The following SLC22A23 variants were observed in gnomAD, a reference collection of about 807,000 sequenced individuals.
SLC22A23 encodes solute carrier family 22 member 23, also known as ion transporter protein.
In SLC22A23, 26 loss-of-function variants were observed where a neutral mutation model predicts 61.0. The observed-to-expected ratio is 0.43, with a 90% CI of 0.31 to 0.59. The LOEUF is 0.59. Ranked by LOEUF, SLC22A23 falls within the 20% of genes least tolerant of loss-of-function variation. The probability of loss-of-function intolerance (pLI) is 0.11; values close to 1 mark genes in which losing one functional copy is unlikely to be tolerated. For synonymous variants in SLC22A23, 430 were observed against 413.9 expected, an observed-to-expected ratio of 1.04 and a Z score of -0.47; for missense variants, 796 against 934.7, an observed-to-expected ratio of 0.85 and a Z score of 1.94.
intron 9 of SLC22A23, among the ~76,000 whole-genome samples, chr6:3,282,639 G>A (rs113544101): frequency 2.0e-5 from 3 of 152,180 alleles, no homozygotes; most frequent in African/African-American, 4.8e-5. Flanking sequence ...TTTGACTCAC[G>A]GCTGAACTAC....
chr6:3,316,782 A>G (rs4959804), intron 4 of SLC22A23, among the ~76,000 whole-genome samples: 119,508 of 152,102 alleles, frequency 0.79, 47,437 homozygotes, highest in Non-Finnish European at 0.84. Flanking sequence ...GGATACAGAC[A>G]CGTGCTCCCA....
At chr6:3,441,889 G>A (rs935594900) in intron 1 of SLC22A23, among the ~76,000 whole-genome samples, 4 of 152,196 alleles carry the variant, frequency 2.6e-5, no homozygotes, top group Non-Finnish European at 5.9e-5. Flanking sequence ...GGGACACCAC[G>A]CAAGCAGCTG....
chr6:3,271,882 C>T lies in SLC22A23; in HGVS notation c.*1173G>A, dbSNP rs1401886235. On this transcript the variant is annotated 3_prime_UTR_variant, in exon 10 of 10. Transcript: ENST00000406686. ...AATTTGTCTTGATGCCTTCGAGAGG[C>T]TGGAGGTCATTTGGACTCACCTATG... 1 of 152,416 alleles carries T rather than the reference C, an allele frequency of 6.6e-6. No individual in the cohort carries two copies. The highest frequency in any genetic ancestry group is 1.5e-5 in the Non-Finnish European group (1 of 68,110). 9.4% of individuals were successfully genotyped at this position (152,416 alleles called of 1,614,324 possible). A position where few individuals can be genotyped will look rare whatever the true frequency, so the allele number is the denominator to read the frequency against.
chr6:3,442,385 C>T (rs984644132), intron 1 of SLC22A23, among the ~76,000 whole-genome samples: 15 of 152,270 alleles, frequency 9.9e-5, no homozygotes, highest in Admixed American at 9.8e-4. Flanking sequence ...CAGAACTGTA[C>T]ACTGAAAAAT....
At position 3,324,552 on chromosome 6, in the gene SLC22A23, A is replaced by G. The variant is rs1042034159; in HGVS notation, c.914-550T>C. ...TCCGAGTTCCAGGCAACCTACTCAC[A>G]CTGTGAGACAGAGGGAGACTGAGCT... On this transcript the variant is annotated intron_variant, in intron 3 of 9. Transcript: ENST00000406686. This position sits in a 1 kb window ranked among gnomAD's most constrained non-coding sequence, Gnocchi z 4.3. 6.6e-6 allele frequency among the ~76,000 whole-genome samples: 1 copy of G among 152,070 alleles called. No homozygotes were observed. The highest frequency in any genetic ancestry group is 2.4e-5 in the African/African-American group (1 of 41,386).
chr6:3,451,341 C>T (rs943565302), intron 1 of SLC22A23, among the ~76,000 whole-genome samples: 4 of 152,168 alleles, frequency 2.6e-5, no homozygotes, highest in African/African-American at 7.2e-5. Context: ...GGATTAGAGG[C>T]GTGCGCCACC....
intron 3 of SLC22A23, among the ~76,000 whole-genome samples, chr6:3,371,919 G>C (rs1286832915): frequency 6.6e-6 from 1 of 152,036 alleles, no homozygotes; most frequent in African/African-American, 2.4e-5. Context: ...AGCATCGATT[G>C]TAAGATCCTG....
intron 2 of SLC22A23, 25 bp downstream of exon 2, chr6:3,415,727 G>T (rs542633265): frequency 2.7e-6 from 4 of 1,489,894 alleles, no homozygotes; most frequent in Non-Finnish European, 3.7e-6. Flanking sequence ...CCAAAGGTTC[G>T]TGCGGCGGGC....
rs548094462 is a variant in SLC22A23 at position 3,333,149 on chromosome 6, A to G, written c.914-9147T>C. 4.9e-4 allele frequency among the ~76,000 whole-genome samples: 75 copies of G among 152,294 alleles called. No homozygotes were observed. The highest frequency in any genetic ancestry group is 1.8e-3 in the African/African-American group (74 of 41,576). ...AGTTGTTCACCAACATTTTCCCTAAAGGTTTTGTAGGGAGTGCAAAATGGT... is the reference window on the plus strand; with the variant it reads ...AGTTGTTCACCAACATTTTCCCTAAGGGTTTTGTAGGGAGTGCAAAATGGT... On this transcript the variant is annotated intron_variant, in intron 3 of 9. Coordinates refer to ENST00000406686, the MANE Select transcript of SLC22A23 (RefSeq NM_015482.2). The surrounding 1 kb of genome is among the most constrained non-coding windows in gnomAD (Gnocchi z 4.1).
intron 3 of SLC22A23, among the ~76,000 whole-genome samples, chr6:3,373,198 G>A (rs924120580): frequency 2.0e-5 from 3 of 152,174 alleles, no homozygotes; most frequent in Admixed American, 6.5e-5. Context: ...AAACCCCCCG[G>A]GCACTAAGTC....
chr6:3,356,678 T>TA (rs1765127120), intron 3 of SLC22A23, among the ~76,000 whole-genome samples: 3 of 152,158 alleles, frequency 2.0e-5, no homozygotes, highest in Non-Finnish European at 4.4e-5. Flanking sequence ...TTCCTCCTTA[T>TA]TGGCTCAGCA....
intron 3 of SLC22A23, among the ~76,000 whole-genome samples, chr6:3,356,157 G>A (rs1239330749): frequency 3.6e-5 from 4 of 109,962 alleles, no homozygotes; most frequent in African/African-American, 1.1e-4. Context: ...TTCCGAGTCC[G>A]GGTAGCAGAT....
At position 3,425,285 on chromosome 6, in the gene SLC22A23, C is replaced by CTTTT. The variant is rs33955202; in HGVS notation, c.655-9434_655-9431dup. On this transcript the variant is annotated intron_variant, in intron 1 of 9. Transcript: ENST00000406686. Reference sequence around the variant, plus strand: ...AATTTATTTAAAACAATGAATAATTCTTTTTTTTTTTTTTTTTTTGAGATG... The same window carrying CTTTT: ...AATTTATTTAAAACAATGAATAATTCTTTTTTTTTTTTTTTTTTTTTTTGAGATG... 1.4e-3 allele frequency among the ~76,000 whole-genome samples: 157 copies of CTTTT among 115,822 alleles called. 2 individuals are homozygous for CTTTT. Among genetic ancestry groups the CTTTT allele is most frequent in the Admixed American group, 2.4e-3 (24 of 9,846 alleles). The allele number at this position is 115,822 out of a possible 152,430, so 76.0% of individuals were successfully genotyped here.
At chr6:3,418,648 G>A (rs1387338108) in intron 1 of SLC22A23, among the ~76,000 whole-genome samples, 1 of 152,192 alleles carries the variant, frequency 6.6e-6, no homozygotes, top group East Asian at 1.9e-4. Flanking sequence ...CCTGGGGAGG[G>A]GGTGCAGGAA....
chr6:3,301,449 C>T (rs182680386), intron 4 of SLC22A23, among the ~76,000 whole-genome samples: 45 of 152,280 alleles, frequency 3.0e-4, no homozygotes, highest in Non-Finnish European at 6.0e-4. Context: ...ACAGCGCAAG[C>T]GATTTCGCAG....
chr6:3,439,412 C>T (rs13213989), intron 1 of SLC22A23: 73,762 of 408,816 alleles, frequency 0.18, 7,741 homozygotes, highest in African/African-American at 0.32. Context: ...CGGCCCTGGA[C>T]GAAGATGGGC....
At chr6:3,274,579 C>T (rs1758725637) in intron 9 of SLC22A23, among the ~76,000 whole-genome samples, 1 of 152,194 alleles carries the variant, frequency 6.6e-6, no homozygotes, top group Non-Finnish European at 1.5e-5. Flanking sequence ...AGGTAGATAA[C>T]TCCAGCTCTT....
In SLC22A23 at chr6:3,387,213, C is replaced by G. The variant is rs1475331999; in HGVS notation, c.913+22975G>C. ...AAAACTAGTAACTGCAGAGGAGAAG[C>G]CTGGCAGACCCCATCTCAACTGAGG... On this transcript the variant is annotated intron_variant, in intron 3 of 9. Transcript: ENST00000406686. The surrounding 1 kb of genome is among the most constrained non-coding windows in gnomAD (Gnocchi z 5.0). 3.3e-5 allele frequency among the ~76,000 whole-genome samples: 5 copies of G among 152,200 alleles called. No homozygotes were observed. Among genetic ancestry groups the G allele is most frequent in the African/African-American group, 1.2e-4 (5 of 41,448 alleles).
At chr6:3,369,884 T>G (rs531622829) in intron 3 of SLC22A23, among the ~76,000 whole-genome samples, 2 of 152,242 alleles carry the variant, frequency 1.3e-5, no homozygotes, top group Non-Finnish European at 2.9e-5. Flanking sequence ...CGACTATTTT[T>G]TCTTGTGAAA....
Sources: gnomAD v4.1 joint callset for allele counts (sites outside exome capture counted in the v4.1 genomes callset) on GRCh38, gnomAD v4.1.1 for gene constraint, Gnocchi (gnomAD v3.1) non-coding constraint, MANE v1.5 for transcripts, NCBI Gene and HGNC (gene_info 2026-07-23, HGNC 2026-07-21) for gene names.